TENM2: variants seen among roughly 807,000 people sequenced by gnomAD.
TENM2 encodes teneurin transmembrane protein 2.
TENM2 carries 52 observed loss-of-function variants against 245.2 expected under a neutral mutation model. The ratio of observed to expected loss-of-function variants is 0.21; its 90% CI spans 0.17 to 0.27. The LOEUF is 0.27. Ranked by LOEUF, TENM2 falls within the 10% of genes least tolerant of loss-of-function variation. TENM2 has a pLI of 1.00. For missense variants in TENM2, 3,046 were observed against 3,666.8 expected, an observed-to-expected ratio of 0.83 and a Z score of 4.37; for synonymous variants, 1,363 against 1,438.9, an observed-to-expected ratio of 0.95 and a Z score of 1.19.
chr5:167,150,740 G>A, the TENM2 span, among the ~76,000 whole-genome samples: 2 of 152,140 alleles, frequency 1.3e-5, no homozygotes, highest in African/African-American at 4.8e-5. Flanking sequence ...TTAGATTCAA[G>A]GCTAATCCTG....
chr5:167,379,041 TTCCCC>T (rs1384123191), intron 2 of TENM2, among the ~76,000 whole-genome samples: 2 of 152,152 alleles, frequency 1.3e-5, no homozygotes, highest in Non-Finnish European at 2.9e-5. Context: ...AAAATTATTC[TTCCCC>T]TCCCCTCTCC....
intron 1 of TENM2, among the ~76,000 whole-genome samples, chr5:167,317,912 C>T (rs1225334849): frequency 6.6e-6 from 1 of 152,148 alleles, no homozygotes; most frequent in Non-Finnish European, 1.5e-5. Flanking sequence ...ATGTGGTACT[C>T]TAGCATGCCC....
In TENM2 at chr5:167,903,383, A is replaced by G. The variant is rs1775859740; in HGVS notation, c.712+27188A>G. 2.0e-5 allele frequency among the ~76,000 whole-genome samples: 3 copies of G among 152,310 alleles called. No homozygotes were observed. In the South Asian group the frequency reaches 6.2e-4, roughly 32 times the overall value. On this transcript the variant is annotated intron_variant, in intron 3 of 28. Coordinates refer to ENST00000518659, the Ensembl canonical transcript of TENM2. Reference sequence around the variant, plus strand: ...TGATTACCAATGTGAGAGCGATGCCAGAAAGAGACAGGGTGCTGAGCTAGA... The same window carrying G: ...TGATTACCAATGTGAGAGCGATGCCGGAAAGAGACAGGGTGCTGAGCTAGA...
At chr5:166,986,498 C>T in the TENM2 span, among the ~76,000 whole-genome samples, 189 of 152,198 alleles carry the variant, frequency 1.2e-3, no homozygotes, top group African/African-American at 4.0e-3. Context: ...TAAGGAAATA[C>T]GGCAAGGTTA....
chr5:167,556,481 C>A (rs773892664), intron 2 of TENM2, among the ~76,000 whole-genome samples: 5 of 150,720 alleles, frequency 3.3e-5, no homozygotes, highest in Non-Finnish European at 5.9e-5. Flanking sequence ...TTTGCTTATT[C>A]TAGTTGTGTT....
At chr5:167,861,039 TAA>T (rs10714126) in intron 2 of TENM2, among the ~76,000 whole-genome samples, 83 of 125,082 alleles carry the variant, frequency 6.6e-4, no homozygotes, top group African/African-American at 1.5e-3. Flanking sequence ...GAATTATCAA[TAA>T]AAAAAAAAAT....
At chr5:167,600,125 T>G (rs1486306462) in intron 2 of TENM2, among the ~76,000 whole-genome samples, 1 of 29,382 alleles carries the variant, frequency 3.4e-5, no homozygotes, top group Non-Finnish European at 9.0e-5. Flanking sequence ...GGAGAAAAAG[T>G]CTTCCCAAGG....
At chr5:167,716,703 A>G (rs1759282216) in intron 2 of TENM2, among the ~76,000 whole-genome samples, 1 of 152,152 alleles carries the variant, frequency 6.6e-6, no homozygotes, top group African/African-American at 2.4e-5. Context: ...AGGAATCCAA[A>G]TGAATACTAA....
chr5:167,340,911 A>G (rs1758058494), intron 1 of TENM2, among the ~76,000 whole-genome samples: 2 of 152,158 alleles, frequency 1.3e-5, no homozygotes, highest in African/African-American at 4.8e-5. Flanking sequence ...TTATTTCACC[A>G]GGATTCTAAA....
chr5:168,217,982 G>A, intron 22 of TENM2, 143 bp from the exon 25 acceptor site: 2 of 784,994 alleles, frequency 2.5e-6, no homozygotes, highest in South Asian at 3.9e-5. Context: ...ATGAGCAGCT[G>A]GTTCAATGAA....
At position 168,232,908 on chromosome 5, in the gene TENM2, A is replaced by ACT. The variant is rs200315583; in HGVS notation, c.5520+4780_5520+4781dup. On this transcript the variant is annotated intron_variant, in intron 25 of 28. Coordinates refer to ENST00000518659, the Ensembl canonical transcript of TENM2. ...TGTTAGTCCCTTCATTCCTGCCCAAACTCAGTGCAGGGAAGATTTTCATTA... is the reference window on the plus strand; with the variant it reads ...TGTTAGTCCCTTCATTCCTGCCCAAACTCTCAGTGCAGGGAAGATTTTCATTA... 4.1e-3 allele frequency among the ~76,000 whole-genome samples: 625 copies of ACT among 152,246 alleles called. 7 individuals are homozygous for ACT. The highest frequency in any genetic ancestry group is 7.0e-3 in the Non-Finnish European group (475 of 68,000).
At chr5:167,086,271 G>T in the TENM2 span, among the ~76,000 whole-genome samples, 1 of 152,096 alleles carries the variant, frequency 6.6e-6, no homozygotes, top group Non-Finnish European at 1.5e-5. Flanking sequence ...ACCTTCATCA[G>T]CAAGTCCTTT....
chr5:166,985,368 G>T, the TENM2 span, among the ~76,000 whole-genome samples: 886 of 152,190 alleles, frequency 5.8e-3, 6 homozygotes, highest in African/African-American at 0.019. Context: ...TCTGTAGTTG[G>T]CCACCATTTT....
intron 7 of TENM2, among the ~76,000 whole-genome samples, chr5:168,076,249 A>G (rs1791466637): frequency 6.8e-6 from 1 of 146,550 alleles, no homozygotes; most frequent in African/African-American, 2.5e-5. Flanking sequence ...TTTTTGAGAC[A>G]GAGTCTCAAT....
At chr5:167,275,890 A>T in the TENM2 span, among the ~76,000 whole-genome samples, 1 of 151,994 alleles carries the variant, frequency 6.6e-6, no homozygotes, top group Admixed American at 6.6e-5. Context: ...AAGTTCCAGC[A>T]CCATGTTGAA....
At chr5:168,262,269 A>G in exon 29 of TENM2, 6 of 1,608,160 alleles carry the variant, frequency 3.7e-6, no homozygotes, top group Non-Finnish European at 5.1e-6. Flanking sequence ...GATAGCCGCA[A>G]GGTGGCATCT....
At chr5:167,344,561 A>G (rs1302016335) in intron 1 of TENM2, among the ~76,000 whole-genome samples, 2 of 152,188 alleles carry the variant, frequency 1.3e-5, no homozygotes, top group African/African-American at 2.4e-5. Context: ...CACCAAGAAT[A>G]CATCCTTTAA....
intron 2 of TENM2, among the ~76,000 whole-genome samples, chr5:167,456,858 T>C (rs1188493029): frequency 6.6e-6 from 1 of 152,228 alleles, no homozygotes; most frequent in East Asian, 1.9e-4. Flanking sequence ...TGTTCTCCAA[T>C]ATGTGAATAT....
chr5:167,026,186 G>T, the TENM2 span, among the ~76,000 whole-genome samples: 2 of 152,308 alleles, frequency 1.3e-5, no homozygotes, highest in Non-Finnish European at 2.9e-5. Context: ...CAAATCTGGC[G>T]CATAATCCTG....
Sources: gnomAD v4.1 joint callset for allele counts (sites outside exome capture counted in the v4.1 genomes callset) on GRCh38, gnomAD v4.1.1 for gene constraint, MANE v1.5 for transcripts, NCBI Gene and HGNC (gene_info 2026-07-23, HGNC 2026-07-21) for gene names.